The following SLC17A6 variants were observed in gnomAD, a reference collection of about 807,000 sequenced individuals.
SLC17A6 encodes the protein vesicular glutamate transporter 2.
Under a neutral mutation model 67.1 loss-of-function variants are expected in SLC17A6, and 35 were observed. The observed-to-expected ratio is 0.52, with a 90% CI of 0.40 to 0.69. The LOEUF is 0.69. Ranked by LOEUF, SLC17A6 falls within the 30% of genes least tolerant of loss-of-function variation. The probability of loss-of-function intolerance (pLI) is 0.00; values close to 1 mark genes in which losing one functional copy is unlikely to be tolerated. For synonymous variants in SLC17A6, 285 were observed against 252.3 expected (o/e 1.13, Z -1.23); for missense variants, 588 against 723.9 (o/e 0.81, Z 2.15).
rs1024506903 is a variant in SLC17A6 at position 22,379,410 on chromosome 11, A to C, written c.*1670A>C. ...CCTCAAAGTGATGTAATGTGATCAC[A>C]GCTTTTGTTGTGTTGAATGAAAATA... On this transcript the variant is annotated 3_prime_UTR_variant, in exon 12 of 12. Coordinates refer to ENST00000263160, the MANE Select transcript of SLC17A6 (RefSeq NM_020346.3). 1.3e-5 allele frequency: 2 copies of C among 152,604 alleles called. No homozygotes were observed. The highest frequency in any genetic ancestry group is 4.8e-5 in the African/African-American group (2 of 41,456). 9.5% of individuals were successfully genotyped at this position (152,604 alleles called of 1,614,324 possible).
At chr11:22,351,226 G>T (rs974182213) in intron 3 of SLC17A6, among the ~76,000 whole-genome samples, 4 of 151,952 alleles carry the variant, frequency 2.6e-5, no homozygotes, top group Non-Finnish European at 5.9e-5. Context: ...ACTCTATAAG[G>T]CAGACATTCT....
At chr11:22,348,159 T>C (rs1855899208) in intron 3 of SLC17A6, among the ~76,000 whole-genome samples, 1 of 152,214 alleles carries the variant, frequency 6.6e-6, no homozygotes, top group Admixed American at 6.5e-5. Flanking sequence ...ACTTGTCTGA[T>C]GATACATGAT....
intron 3 of SLC17A6, among the ~76,000 whole-genome samples, chr11:22,352,776 A>G (rs1855955962): frequency 6.6e-6 from 1 of 152,290 alleles, no homozygotes; most frequent in Non-Finnish European, 1.5e-5. Flanking sequence ...GGCATGAGTG[A>G]GTATTGAAGG....
chr11:22,371,721 AT>A (rs1856177445), intron 8 of SLC17A6, among the ~76,000 whole-genome samples: 1 of 152,078 alleles, frequency 6.6e-6, no homozygotes, highest in African/African-American at 2.4e-5. Flanking sequence ...GCAAAAAGTA[AT>A]TATAAATCAA....
At chr11:22,363,511 A>C (rs1346238145) in intron 6 of SLC17A6, among the ~76,000 whole-genome samples, 1 of 152,206 alleles carries the variant, frequency 6.6e-6, no homozygotes, top group Non-Finnish European at 1.5e-5. Context: ...CCCAACTGAT[A>C]TTGTCACTGA....
Position 22,379,322 on chromosome 11 carries a change from T to C in SLC17A6, c.*1582T>C, listed in dbSNP as rs1201478936. ...GCTACTGCAAATATAAAACATAAAG[T>C]TTGTTTAAAAAAATGCAAATCATTC... On this transcript the variant is annotated 3_prime_UTR_variant, in exon 12 of 12. Transcript: ENST00000263160. 6.6e-6 allele frequency: 1 copy of C among 152,376 alleles called. No homozygotes were observed. Among genetic ancestry groups the C allele is most frequent in the African/African-American group, 2.4e-5 (1 of 41,380 alleles). The allele number at this position is 152,376 out of a possible 1,614,324, so 9.4% of individuals were successfully genotyped here. A position where few individuals can be genotyped will look rare whatever the true frequency, so the allele number is the denominator to read the frequency against.
chr11:22,355,374 C>T (rs570773697), intron 3 of SLC17A6, among the ~76,000 whole-genome samples: 2 of 152,096 alleles, frequency 1.3e-5, no homozygotes, highest in Non-Finnish European at 2.9e-5. Flanking sequence ...AGCATTATAT[C>T]AGCCTTTCCC....
At chr11:22,342,956 G>A (rs1042516066) in intron 2 of SLC17A6, 3 of 522,612 alleles carry the variant, frequency 5.7e-6, no homozygotes, top group Middle Eastern at 5.8e-4. Context: ...CCAAGACGGG[G>A]GCCCTCTAGA....
At chr11:22,369,988 G>A (rs2665677) in intron 7 of SLC17A6, 51 bp from the exon 8 acceptor site, 962,895 of 1,556,444 alleles carry the variant, frequency 0.62, 299,191 homozygotes, top group Admixed American at 0.67. Context: ...TTCCCACTTA[G>A]GTTTGAAAAT....
chr11:22,341,556 G>C lies in SLC17A6; in HGVS notation c.115G>C (p.Glu39Gln), dbSNP rs746005926. 13 of 1,613,854 alleles carry C rather than the reference G, an allele frequency of 8.1e-6. No homozygotes were observed. The Admixed American group carries it at 2.2e-4, about 27-fold the overall frequency. The change falls in exon 2 of 12, where the codon GAG (glutamate) becomes CAG (glutamine). Residue 39 changes from glutamate (E) to glutamine (Q), a missense_variant. Transcript: ENST00000263160. ...GCTGGAGAAGAAGCAAGACACCGGGGAGACAATCGAGCTGACGGAGGATGG... is the reference window on the plus strand; with the variant it reads ...GCTGGAGAAGAAGCAAGACACCGGGCAGACAATCGAGCTGACGGAGGATGG... Reference protein sequence around the residue: ...RVLEKKQDTGETIELTEDGKP... With the variant: ...RVLEKKQDTGQTIELTEDGKP...
chr11:22,362,679 T>A (rs1484706961), intron 5 of SLC17A6, 60 bp from the exon 6 acceptor site: 2 of 1,351,772 alleles, frequency 1.5e-6, no homozygotes, highest in African/African-American at 1.4e-5. Flanking sequence ...GAATGTGAGA[T>A]GATATCAATA....
At chr11:22,356,718 C>G (rs1248338443) in intron 3 of SLC17A6, among the ~76,000 whole-genome samples, 1 of 152,142 alleles carries the variant, frequency 6.6e-6, no homozygotes, top group Non-Finnish European at 1.5e-5. Context: ...GGCCTGTACT[C>G]CAAGCTACTC....
intron 3 of SLC17A6, among the ~76,000 whole-genome samples, chr11:22,357,894 G>A (rs7129163): frequency 6.6e-6 from 1 of 151,952 alleles, no homozygotes; most frequent in Non-Finnish European, 1.5e-5. Context: ...CACTTCATGA[G>A]TGATCATTTA....
intron 2 of SLC17A6, 50 bp downstream of exon 2, chr11:22,341,830 C>A: frequency 6.3e-7 from 1 of 1,595,300 alleles, no homozygotes; most frequent in Non-Finnish European, 8.5e-7. Context: ...CATGCGGCCT[C>A]GCAAAACCAC....
intron 1 of SLC17A6, 38 bp from the exon 2 acceptor site, chr11:22,341,490 C>T (rs774608207): frequency 1.3e-6 from 2 of 1,599,044 alleles, no homozygotes; most frequent in South Asian, 1.1e-5. Context: ...GGTACCTAAG[C>T]CGCCAAGTCC....
intron 3 of SLC17A6, among the ~76,000 whole-genome samples, chr11:22,355,875 CTGAGA>C (rs1855988620): frequency 6.6e-6 from 1 of 152,174 alleles, no homozygotes; most frequent in Non-Finnish European, 1.5e-5. Context: ...GTCAATTCAG[CTGAGA>C]TGAATGTTTT....
At chr11:22,375,928 C>G in intron 9 of SLC17A6, 54 bp from the exon 10 acceptor site, 1 of 1,304,728 alleles carries the variant, frequency 7.7e-7, no homozygotes, top group Non-Finnish European at 1.1e-6. Flanking sequence ...AGTTTTGGCT[C>G]ATTGGTAAAA....
intron 8 of SLC17A6, among the ~76,000 whole-genome samples, chr11:22,372,635 A>G (rs1032240400): frequency 3.3e-5 from 5 of 152,092 alleles, no homozygotes; most frequent in Admixed American, 1.3e-4. Flanking sequence ...CGTGGATCAG[A>G]TAGGAAGACA....
At chr11:22,367,566 A>G (rs1335802239) in intron 7 of SLC17A6, among the ~76,000 whole-genome samples, 1 of 152,114 alleles carries the variant, frequency 6.6e-6, no homozygotes, top group Admixed American at 6.6e-5. Flanking sequence ...AGCTGCAGTT[A>G]TTTTGAGCAG....
Sources: allele counts gnomAD v4.1 joint callset (sites outside exome capture counted in the v4.1 genomes callset), GRCh38; gene constraint gnomAD v4.1.1; transcripts MANE v1.5; gene names NCBI Gene and HGNC (gene_info 2026-07-23, HGNC 2026-07-21).